Variants in CACNA2D3 observed in about 807,000 individuals in gnomAD.
The protein encoded by CACNA2D3 is calcium voltage-gated channel auxiliary subunit alpha2delta 3, also known as voltage-dependent calcium channel subunit alpha-2/delta-3.
CACNA2D3 carries 60 observed loss-of-function variants against 160.6 expected under a neutral mutation model. The ratio of observed to expected loss-of-function variants is 0.37; its 90% CI spans 0.30 to 0.46. The LOEUF is 0.46. CACNA2D3 is among the 20% of genes least tolerant of loss of function. The pLI is 1.00. For synonymous variants in CACNA2D3, 558 were observed against 492.9 expected, an observed-to-expected ratio of 1.13 and a Z score of -1.75; for missense variants, 1,205 against 1,365.0, an observed-to-expected ratio of 0.88 and a Z score of 1.85.
intron 2 of CACNA2D3, among the ~76,000 whole-genome samples, chr3:54,213,179 T>A (rs1271916103): frequency 6.6e-6 from 1 of 152,156 alleles, no homozygotes; most frequent in African/African-American, 2.4e-5. Flanking sequence ...TGAAACTGGG[T>A]CAAATTTCCT....
chr3:55,021,589 C>T (rs1307889850), intron 35 of CACNA2D3, among the ~76,000 whole-genome samples: 2 of 143,398 alleles, frequency 1.4e-5, no homozygotes, highest in Non-Finnish European at 3.0e-5. Context: ...CATTCCAGTG[C>T]ATCTCTAAAT....
intron 4 of CACNA2D3, among the ~76,000 whole-genome samples, chr3:54,466,542 G>T (rs1248978761): frequency 6.6e-6 from 1 of 152,124 alleles, no homozygotes; most frequent in African/African-American, 2.4e-5. Flanking sequence ...GGCTGGCGCT[G>T]CTCAGTAACA....
chr3:54,231,560 C>T lies in CACNA2D3; in HGVS notation c.205-88882C>T, dbSNP rs114099344. 2.6e-3 allele frequency among the ~76,000 whole-genome samples: 390 copies of T among 152,304 alleles called. 2 individuals carry two copies. The highest frequency in any genetic ancestry group is 7.9e-3 in the African/African-American group (329 of 41,562). The stretch of plus-strand genomic sequence containing the variant: ...GCCTCATGAGCATTAGGCTCACACA[C>T]GTACATAACTGTGTTTAATCATGTT... On this transcript the variant is annotated intron_variant, in intron 2 of 37. Transcript: ENST00000474759.
intron 35 of CACNA2D3, among the ~76,000 whole-genome samples, chr3:55,034,745 A>T (rs1340594754): frequency 1.3e-5 from 2 of 152,078 alleles, no homozygotes; most frequent in Non-Finnish European, 2.9e-5. Context: ...TCTGCAACAT[A>T]ATTTCTTAAA....
intron 17 of CACNA2D3, among the ~76,000 whole-genome samples, chr3:54,850,361 G>C (rs1699031136): frequency 6.6e-6 from 1 of 152,214 alleles, no homozygotes; most frequent in South Asian, 2.1e-4. Context: ...TCTTGATCTT[G>C]AGAAATGCTT....
At chr3:54,416,820 A>G (rs1384593846) in intron 4 of CACNA2D3, among the ~76,000 whole-genome samples, 2 of 152,240 alleles carry the variant, frequency 1.3e-5, no homozygotes, top group African/African-American at 4.8e-5. Flanking sequence ...GTAATTGATT[A>G]TATTTAATGG....
chr3:54,382,585 C>T (rs1398814371), intron 3 of CACNA2D3, among the ~76,000 whole-genome samples: 1 of 152,208 alleles, frequency 6.6e-6, no homozygotes, highest in African/African-American at 2.4e-5. Flanking sequence ...GAGTTCGAGA[C>T]CAGCCTAGCC....
chr3:54,628,990 C>T (rs1305863218), intron 10 of CACNA2D3, among the ~76,000 whole-genome samples: 1 of 152,070 alleles, frequency 6.6e-6, no homozygotes, highest in Non-Finnish European at 1.5e-5. Context: ...CCCCTGAGAG[C>T]GTAGAGAAAT....
intron 2 of CACNA2D3, among the ~76,000 whole-genome samples, chr3:54,144,750 A>C (rs940451723): frequency 6.6e-6 from 1 of 152,232 alleles, no homozygotes; most frequent in African/African-American, 2.4e-5. Context: ...AATAATATGC[A>C]CTTACGGAGT....
In CACNA2D3 at chr3:54,971,112, C is replaced by CAA. The variant is rs1026101922; in HGVS notation, c.2556+1279_2556+1280dup. On this transcript the variant is annotated intron_variant, in intron 29 of 37. Coordinates refer to ENST00000474759, the MANE Select transcript of CACNA2D3 (RefSeq NM_018398.3). ...ATAATCATTGTATGAGTCACAGTAT[C>CAA]AAAAAAAAAAAAGCCAGTCAGCAAA... 2.3e-4 allele frequency among the ~76,000 whole-genome samples: 32 copies of CAA among 139,290 alleles called. 2 individuals carry two copies. Among genetic ancestry groups the CAA allele is most frequent in the African/African-American group, 8.1e-4 (31 of 38,084 alleles). The allele number at this position is 139,290 out of a possible 152,430, so 91.4% of individuals were successfully genotyped here.
intron 13 of CACNA2D3, among the ~76,000 whole-genome samples, chr3:54,811,465 CTTTTTTTTTTTTTTTTT>C (rs71096451): frequency 5.2e-4 from 58 of 111,536 alleles, no homozygotes; most frequent in Non-Finnish European, 8.9e-4. Context: ...TCCCTCAGTT[CTTTTTTTTTTTTTTTTT>C]TTTTTTTTTT....
At chr3:54,225,999 T>C (rs1701663563) in intron 2 of CACNA2D3, among the ~76,000 whole-genome samples, 1 of 152,184 alleles carries the variant, frequency 6.6e-6, no homozygotes, top group African/African-American at 2.4e-5. Flanking sequence ...AGTCTTTGTA[T>C]GACTGGTCTA....
At chr3:54,231,520 C>T (rs1395557865) in intron 2 of CACNA2D3, among the ~76,000 whole-genome samples, 1 of 152,202 alleles carries the variant, frequency 6.6e-6, no homozygotes, top group Non-Finnish European at 1.5e-5. Context: ...AAGAAACAGG[C>T]CCTGTCCTGG....
chr3:54,388,994 A>T (rs1336078503), intron 4 of CACNA2D3, among the ~76,000 whole-genome samples: 1 of 148,182 alleles, frequency 6.7e-6, no homozygotes, highest in Non-Finnish European at 1.5e-5. Flanking sequence ...ATAAATAAAC[A>T]GATAGATAGA....
At chr3:54,260,913 A>G (rs1451953276) in intron 2 of CACNA2D3, among the ~76,000 whole-genome samples, 2 of 152,130 alleles carry the variant, frequency 1.3e-5, no homozygotes, top group Non-Finnish European at 2.9e-5. Context: ...ACTCTGTATC[A>G]TGTGACTCCG....
chr3:54,860,230 A>G (rs935770891), intron 17 of CACNA2D3, among the ~76,000 whole-genome samples: 6 of 152,178 alleles, frequency 3.9e-5, no homozygotes, highest in Admixed American at 3.3e-4. Context: ...GAATATTTAG[A>G]AGCTGACAGA....
Position 54,530,436 on chromosome 3 carries a change from C to T in CACNA2D3, c.544+26782C>T, listed in dbSNP as rs75169311. 8.3e-3 allele frequency among the ~76,000 whole-genome samples: 1,267 copies of T among 152,208 alleles called. 19 individuals carry two copies. Among genetic ancestry groups the T allele is most frequent in the African/African-American group, 0.028 (1,179 of 41,522 alleles). On this transcript the variant is annotated intron_variant, in intron 5 of 37. Transcript: ENST00000474759. ...GGAAAGGACTGTGTTTTTCCCACTC[C>T]GAAGGGCAGTGAGCACATTTGTGTA...
intron 2 of CACNA2D3, among the ~76,000 whole-genome samples, chr3:54,175,615 A>G (rs1700665363): frequency 2.8e-5 from 1 of 35,192 alleles, no homozygotes; most frequent in South Asian, 9.1e-4. Context: ...CTCTGTCTCA[A>G]AAAAAAAAAA....
chr3:54,846,793 A>T (rs1275182663), intron 17 of CACNA2D3, among the ~76,000 whole-genome samples: 1 of 152,208 alleles, frequency 6.6e-6, no homozygotes, highest in Non-Finnish European at 1.5e-5. Flanking sequence ...GGGTCCCTTG[A>T]TGTAATACAT....
Sources: allele counts gnomAD v4.1 joint callset (sites outside exome capture counted in the v4.1 genomes callset), GRCh38; gene constraint gnomAD v4.1.1; transcripts MANE v1.5; gene names NCBI Gene and HGNC (gene_info 2026-07-23, HGNC 2026-07-21).